The following RFX3 variants were observed in gnomAD, a reference collection of about 807,000 sequenced individuals.
RFX3 encodes transcription factor RFX3.
RFX3 carries 14 observed loss-of-function variants against 98.6 expected under a neutral mutation model. That is an observed-to-expected ratio of 0.14 (90% confidence interval 0.09 to 0.22). The LOEUF is 0.22. RFX3 is among the 10% of genes least tolerant of loss of function. RFX3 has a pLI of 1.00. For missense variants in RFX3, 639 were observed against 926.9 expected (o/e 0.69, Z 4.03); for synonymous variants, 383 against 328.4 (o/e 1.17, Z -1.80).
chr9:3,281,172 T>C lies in RFX3; in HGVS notation c.852-3711A>G, dbSNP rs1350846621. ...TTTCCAAGATGTCTTTTATATTCTATTGGCTTACATAGTAATTCTACATTA... is the reference window on the plus strand; with the variant it reads ...TTTCCAAGATGTCTTTTATATTCTACTGGCTTACATAGTAATTCTACATTA... On this transcript the variant is annotated intron_variant, in intron 7 of 16. Transcript: ENST00000617270. Among the ~76,000 whole-genome samples, 4 of 151,718 alleles carry C rather than the reference T, an allele frequency of 2.6e-5. No individual in the cohort carries two copies. The Admixed American group carries it at 2.6e-4, about 10-fold the overall frequency.
In RFX3 at chr9:3,408,639, C is replaced by T. The variant is rs866088537; in HGVS notation, c.-8-13043G>A. Among the ~76,000 whole-genome samples, 45 of 152,088 alleles carry T rather than the reference C, an allele frequency of 3.0e-4. No individual in the cohort carries two copies. The Middle Eastern group carries it at 0.014, about 46-fold the overall frequency. ...ACACACACACACACACACACACGCACGCACACATGGCCACACACACAGACA... is the reference window on the plus strand; with the variant it reads ...ACACACACACACACACACACACGCATGCACACATGGCCACACACACAGACA... On this transcript the variant is annotated intron_variant, in intron 1 of 16. Coordinates refer to ENST00000617270, the MANE Select transcript of RFX3 (RefSeq NM_001282116.2).
At chr9:3,323,340 C>T (rs1404939972) in intron 4 of RFX3, among the ~76,000 whole-genome samples, 3 of 152,158 alleles carry the variant, frequency 2.0e-5, no homozygotes, top group African/African-American at 7.2e-5. Flanking sequence ...CTAATATTGA[C>T]TCATATGTCA....
intron 1 of RFX3, among the ~76,000 whole-genome samples, chr9:3,454,353 G>A (rs181066946): frequency 1.8e-4 from 28 of 152,252 alleles, no homozygotes; most frequent in African/African-American, 6.7e-4. Flanking sequence ...AGATATGTAT[G>A]TTCTACCTTA....
At chr9:3,359,754 AT>A (rs1451735560) in intron 2 of RFX3, among the ~76,000 whole-genome samples, 1 of 152,150 alleles carries the variant, frequency 6.6e-6, no homozygotes, top group Non-Finnish European at 1.5e-5. Flanking sequence ...AATGAAAAAA[AT>A]GTTTATTTTT....
At chr9:3,380,714 T>C (rs923161496) in intron 2 of RFX3, among the ~76,000 whole-genome samples, 1 of 152,212 alleles carries the variant, frequency 6.6e-6, no homozygotes, top group Non-Finnish European at 1.5e-5. Context: ...ACTTGAAGTA[T>C]TACCAACCAA....
At chr9:3,304,531 C>T (rs941375270) in intron 4 of RFX3, among the ~76,000 whole-genome samples, 2 of 152,032 alleles carry the variant, frequency 1.3e-5, no homozygotes, top group Non-Finnish European at 2.9e-5. Flanking sequence ...TGAATTGTAG[C>T]TCCCACAATT....
chr9:3,517,873 A>G (rs1818329472), intron 1 of RFX3, among the ~76,000 whole-genome samples: 1 of 152,246 alleles, frequency 6.6e-6, no homozygotes, highest in Non-Finnish European at 1.5e-5. Flanking sequence ...AAGAATAACC[A>G]TACAGTCACG....
At chr9:3,488,651 C>A in intron 1 of RFX3, 1 of 260,294 alleles carries the variant, frequency 3.8e-6, no homozygotes, top group Non-Finnish European at 6.0e-6. Context: ...AATGCAATTA[C>A]TAACTATAAA....
rs141817194 is a variant in RFX3, at chr9:3,335,116, C to T, written c.216-4599G>A. Among the ~76,000 whole-genome samples the T allele has an allele frequency of 1.2e-3, 189 of 151,826 alleles. 1 individual carries two copies. In the East Asian group the frequency reaches 0.021, roughly 17 times the overall value. On this transcript the variant is annotated intron_variant, in intron 3 of 16. Coordinates refer to ENST00000617270, the MANE Select transcript of RFX3 (RefSeq NM_001282116.2). ...CCTGGGCAACAGAGCGAAACTCCAT[C>T]TCAAAAAATAATAATAATAAAATAA...
At chr9:3,517,697 A>G in intron 1 of RFX3, among the ~76,000 whole-genome samples, 1 of 152,224 alleles carries the variant, frequency 6.6e-6, no homozygotes, top group Admixed American at 6.5e-5. Flanking sequence ...ATTTAACCCT[A>G]AGGTACTTAG....
chr9:3,262,589 T>C (rs1029353265), intron 13 of RFX3, among the ~76,000 whole-genome samples: 16 of 152,208 alleles, frequency 1.1e-4, no homozygotes, highest in African/African-American at 3.4e-4. Flanking sequence ...CCTAGAGCAG[T>C]TAAGTAACGC....
intron 4 of RFX3, among the ~76,000 whole-genome samples, chr9:3,327,765 A>T (rs1403142490): frequency 6.6e-6 from 1 of 152,116 alleles, no homozygotes; most frequent in African/African-American, 2.4e-5. Context: ...TTTATAATTC[A>T]GTTATCTGTT....
chr9:3,471,616 T>A lies in RFX3; in HGVS notation c.-9+54131A>T, dbSNP rs183588046. ...AATCACTTATGTTCCCAATATAGAA[T>A]TACGTTTAAAATATATCTGTCTAAG... On this transcript the variant is annotated intron_variant, in intron 1 of 16. Coordinates refer to ENST00000617270, the MANE Select transcript of RFX3 (RefSeq NM_001282116.2). Among the ~76,000 whole-genome samples the A allele has an allele frequency of 2.6e-5, 4 of 152,342 alleles. 1 individual carries two copies. The East Asian group carries it at 7.7e-4, about 29-fold the overall frequency.
intron 1 of RFX3, chr9:3,453,634 C>A: frequency 6.5e-6 from 1 of 153,638 alleles, no homozygotes; most frequent in Non-Finnish European, 1.4e-5. Flanking sequence ...TACTTGAACC[C>A]AGAAGGCAGA....
At chr9:3,454,369 AG>A (rs1377025601) in intron 1 of RFX3, among the ~76,000 whole-genome samples, 1 of 152,184 alleles carries the variant, frequency 6.6e-6, no homozygotes, top group Non-Finnish European at 1.5e-5. Flanking sequence ...CCTTACCAAA[AG>A]ATATATTGAG....
chr9:3,387,200 C>T (rs1839816319), intron 2 of RFX3, among the ~76,000 whole-genome samples: 1 of 152,124 alleles, frequency 6.6e-6, no homozygotes, highest in Non-Finnish European at 1.5e-5. Flanking sequence ...TGCTCCTAAG[C>T]ACTTTGTATC....
chr9:3,341,764 A>T (rs554506411), intron 3 of RFX3, among the ~76,000 whole-genome samples: 2 of 152,334 alleles, frequency 1.3e-5, no homozygotes, highest in African/African-American at 4.8e-5. Context: ...ATGTAACCAG[A>T]CATATACAAT....
chr9:3,385,913 T>C (rs954957388), intron 2 of RFX3, among the ~76,000 whole-genome samples: 1 of 152,160 alleles, frequency 6.6e-6, no homozygotes, highest in Non-Finnish European at 1.5e-5. Flanking sequence ...AAAACTATTA[T>C]ATTTTATGAG....
chr9:3,449,865 C>G (rs1846411428), intron 1 of RFX3, among the ~76,000 whole-genome samples: 1 of 142,688 alleles, frequency 7.0e-6, no homozygotes, highest in Non-Finnish European at 1.5e-5. Flanking sequence ...GACACCCTGT[C>G]TCAATAAAAA....
Sources: allele counts gnomAD v4.1 joint callset (sites outside exome capture counted in the v4.1 genomes callset), GRCh38; gene constraint gnomAD v4.1.1; transcripts MANE v1.5; gene names NCBI Gene and HGNC (gene_info 2026-07-23, HGNC 2026-07-21).